The following NADSYN1 variants were observed in gnomAD, a reference collection of about 807,000 sequenced individuals.
The protein encoded by NADSYN1 is glutamine-dependent NAD(+) synthetase.
NADSYN1 carries 80 observed loss-of-function variants against 99.3 expected under a neutral mutation model. That is an observed-to-expected ratio of 0.81 (90% CI 0.67 to 0.97). The LOEUF is 0.97. Among genes scored for constraint, NADSYN1 ranks in the 50% least tolerant of loss-of-function variants. The pLI, the probability that NADSYN1 is intolerant of heterozygous loss-of-function variation, is 0.00. For synonymous variants in NADSYN1, 385 were observed against 372.1 expected (o/e 1.03, Z -0.40); for missense variants, 859 against 948.5 (o/e 0.91, Z 1.24).
chr11:71,491,039 C>G, intron 17 of NADSYN1, 63 bp downstream of exon 17: 1 of 1,596,264 alleles, frequency 6.3e-7, no homozygotes. Context: ...ACGGCCCCGG[C>G]CACCCTGGCC....
Position 71,482,044 on chromosome 11 carries a change from C to A in NADSYN1, c.1150+19C>A. 1 of 1,596,008 alleles carries A rather than the reference C, an allele frequency of 6.3e-7. No homozygotes were observed. Among genetic ancestry groups the A allele is most frequent in the East Asian group, 2.3e-5 (1 of 43,844 alleles). On this transcript the variant is annotated intron_variant, in intron 13 of 20. Coordinates refer to ENST00000319023, the MANE Select transcript of NADSYN1 (RefSeq NM_018161.5). ...AGTGGAAGTAGGTGACATCTGTTGGCTTGAGGGAGGCTCCAGGGTCCAGCC... is the reference window on the plus strand; with the variant it reads ...AGTGGAAGTAGGTGACATCTGTTGGATTGAGGGAGGCTCCAGGGTCCAGCC...
intron 5 of NADSYN1, 151 bp downstream of exon 5, chr11:71,464,293 C>T: frequency 4.7e-6 from 3 of 643,714 alleles, no homozygotes; most frequent in Non-Finnish European, 7.8e-6. Flanking sequence ...ACAAAGAAAG[C>T]CAAAAAAGAA....
intron 10 of NADSYN1, 110 bp downstream of exon 10, chr11:71,478,579 G>A: frequency 9.9e-7 from 1 of 1,006,106 alleles, no homozygotes; most frequent in Non-Finnish European, 1.5e-6. Context: ...TGAAAAGTCT[G>A]ACAGGGAAGT....
chr11:71,461,931 GGAGTGA>G (rs1454125414), intron 3 of NADSYN1, among the ~76,000 whole-genome samples: 1 of 152,248 alleles, frequency 6.6e-6, no homozygotes, highest in African/African-American at 2.4e-5. Context: ...AAGCCATGAT[GGAGTGA>G]GTCGCTTGTG....
intron 18 of NADSYN1, among the ~76,000 whole-genome samples, chr11:71,495,117 G>A (rs1949810813): frequency 6.6e-6 from 1 of 152,060 alleles, no homozygotes; most frequent in East Asian, 1.9e-4. Flanking sequence ...GGAAAGTTAG[G>A]TTGTTGATTT....
intron 5 of NADSYN1, among the ~76,000 whole-genome samples, chr11:71,469,927 G>GAAAAAAAAAAAA (rs749801544): frequency 0.12 from 12,974 of 106,040 alleles, 1,238 homozygotes; most frequent in East Asian, 0.23. Flanking sequence ...GCCTGTCTCA[G>GAAAAAAAAAAAA]AAAAAAAAAA....
intron 5 of NADSYN1, among the ~76,000 whole-genome samples, chr11:71,469,228 T>C (rs1235213244): frequency 1.4e-4 from 21 of 152,206 alleles, no homozygotes; most frequent in Admixed American, 1.1e-3. Context: ...GAGGCCAAAG[T>C]GGTCAGAAGT....
intron 5 of NADSYN1, among the ~76,000 whole-genome samples, chr11:71,468,550 G>A (rs1949608173): frequency 1.3e-5 from 2 of 152,052 alleles, no homozygotes; most frequent in Non-Finnish European, 2.9e-5. Context: ...GACTAAAAAG[G>A]AAAAAATGAA....
At chr11:71,460,459 G>A (rs759776175) in intron 3 of NADSYN1, among the ~76,000 whole-genome samples, 4 of 152,244 alleles carry the variant, frequency 2.6e-5, no homozygotes, top group South Asian at 2.1e-4. Flanking sequence ...TGAGTGATCC[G>A]TCCATCTCAG....
intron 9 of NADSYN1, among the ~76,000 whole-genome samples, chr11:71,477,989 C>T (rs920845709): frequency 3.9e-5 from 6 of 152,234 alleles, no homozygotes; most frequent in East Asian, 1.9e-4. Flanking sequence ...TCCCAGAAGT[C>T]GCTGGCAGAG....
chr11:71,476,746 G>T, intron 9 of NADSYN1: 2 of 985,798 alleles, frequency 2.0e-6, no homozygotes, highest in Non-Finnish European at 2.4e-6. Context: ...AGGCACATTG[G>T]TGGTCGTGTT....
chr11:71,481,855 C>A (rs1395058681), intron 12 of NADSYN1, 68 bp from the exon 13 acceptor site: 11 of 1,430,664 alleles, frequency 7.7e-6, no homozygotes, highest in Non-Finnish European at 1.1e-5. Flanking sequence ...ATGGGTGGAG[C>A]TTGGCTGATC....
At chr11:71,493,592 C>T (rs201326858) in intron 18 of NADSYN1, among the ~76,000 whole-genome samples, 1 of 149,930 alleles carries the variant, frequency 6.7e-6, no homozygotes, top group African/African-American at 2.5e-5. Flanking sequence ...AAAAAAAAAT[C>T]ATTTTTTTAA....
At chr11:71,473,736 A>C (rs761193631) in intron 8 of NADSYN1, 50 bp downstream of exon 8, 1,098 of 1,304,394 alleles carry the variant, frequency 8.4e-4, no homozygotes, top group Non-Finnish European at 1.1e-3. Flanking sequence ...ACTGTATCTC[A>C]AGAACTCCTG....
At chr11:71,483,722 G>A (rs945959827) in intron 14 of NADSYN1, among the ~76,000 whole-genome samples, 3 of 152,168 alleles carry the variant, frequency 2.0e-5, no homozygotes, top group South Asian at 2.1e-4. Context: ...ACAGGGACCC[G>A]AACAGATACT....
chr11:71,477,221 G>A (rs185545952), intron 9 of NADSYN1: 55 of 1,189,462 alleles, frequency 4.6e-5, no homozygotes, highest in Admixed American at 2.0e-4. Flanking sequence ...GCCGCCGTGC[G>A]GCAGGCTGTT....
chr11:71,459,007 C>T, intron 3 of NADSYN1: 1 of 182,684 alleles, frequency 5.5e-6, no homozygotes, highest in South Asian at 1.0e-4. Flanking sequence ...TTATGGAGGC[C>T]TCTGCACACG....
At chr11:71,470,057 C>T (rs1408247228) in intron 5 of NADSYN1, among the ~76,000 whole-genome samples, 1 of 152,096 alleles carries the variant, frequency 6.6e-6, no homozygotes, top group Non-Finnish European at 1.5e-5. Flanking sequence ...GGGGAGGCCT[C>T]ACAATCACGG....
chr11:71,486,867 G>T (rs1209534686), intron 16 of NADSYN1, among the ~76,000 whole-genome samples: 2 of 140,362 alleles, frequency 1.4e-5, no homozygotes, highest in African/African-American at 2.7e-5. Flanking sequence ...GTGCAGTGGC[G>T]CGATCTCGGC....
Sources: gnomAD v4.1 joint callset for allele counts (sites outside exome capture counted in the v4.1 genomes callset) on GRCh38, gnomAD v4.1.1 for gene constraint, MANE v1.5 for transcripts, NCBI Gene and HGNC (gene_info 2026-07-23, HGNC 2026-07-21) for gene names.